The following IL6R variants were observed in gnomAD, a reference collection of about 807,000 sequenced individuals.
IL6R encodes interleukin 6 receptor.
A neutral mutation model predicts 48.3 loss-of-function variants in IL6R; 38 were observed. The ratio of observed to expected loss-of-function variants is 0.79; its 90% CI spans 0.61 to 1.03. The LOEUF is 1.03. Among genes scored for constraint, IL6R ranks in the 50% least tolerant of loss-of-function variants. The pLI is 0.00. For synonymous variants in IL6R, 264 were observed against 256.2 expected (o/e 1.03, Z -0.29); for missense variants, 534 against 618.3 (o/e 0.86, Z 1.45).
chr1:154,457,972 T>C (rs4845627), intron 9 of IL6R, among the ~76,000 whole-genome samples: 11 of 44,894 alleles, frequency 2.5e-4, no homozygotes, highest in Admixed American at 6.8e-4. Flanking sequence ...TTTTTCTTTT[T>C]TTTTTTTTTT....
chr1:154,467,556 T>G lies in IL6R; in HGVS notation c.*2176T>G, dbSNP rs1691613064. 1 of 152,240 alleles carries G rather than the reference T, an allele frequency of 6.6e-6. No homozygotes were observed. The highest frequency in any genetic ancestry group is 6.5e-5 in the Admixed American group (1 of 15,288). 9.4% of individuals were successfully genotyped at this position (152,240 alleles called of 1,614,324 possible). On this transcript the variant is annotated 3_prime_UTR_variant, in exon 10 of 10. Coordinates refer to ENST00000368485, the MANE Select transcript of IL6R (RefSeq NM_000565.4). ...CGTGATTTTCATTGCTGGGCTTGTC[T>G]GTAGATTTTAGACCCTATTGCTGCT...
chr1:154,416,015 G>A (rs1300109618), intron 1 of IL6R, among the ~76,000 whole-genome samples: 1 of 152,166 alleles, frequency 6.6e-6, no homozygotes, highest in Non-Finnish European at 1.5e-5. Flanking sequence ...GATCAGTAGT[G>A]CAGACTAAAC....
chr1:154,435,473 C>A (rs1244421358), intron 5 of IL6R, among the ~76,000 whole-genome samples: 1 of 149,668 alleles, frequency 6.7e-6, no homozygotes, highest in Non-Finnish European at 1.5e-5. Context: ...CACACCACTG[C>A]ACTCCAGCCT....
At chr1:154,428,735 C>T (rs556785608) in intron 1 of IL6R, among the ~76,000 whole-genome samples, 3 of 152,110 alleles carry the variant, frequency 2.0e-5, no homozygotes, top group South Asian at 2.1e-4. Flanking sequence ...GCTGGGGGAC[C>T]GGAAACGATG....
chr1:154,435,217 A>G (rs1689545232), intron 5 of IL6R, 61 bp downstream of exon 5: 2 of 1,507,386 alleles, frequency 1.3e-6, no homozygotes, highest in African/African-American at 1.4e-5. Context: ...CGTAGTAGAA[A>G]GGGTACTAGA....
Position 154,436,058 on chromosome 1 carries a change from G to A in IL6R, c.897G>A (p.Gly299=). 1 of 1,613,268 alleles carries A rather than the reference G, an allele frequency of 6.2e-7. No individual in the cohort carries two copies. The highest frequency in any genetic ancestry group is 8.5e-7 in the Non-Finnish European group (1 of 1,179,564). Residue 299 remains glycine (G), a synonymous_variant, in exon 6 of 10, where the codon GGG becomes GGA. Transcript: ENST00000368485. ...VVQLRAQEEF[G]QGEWSEWSPE... The stretch of plus-strand genomic sequence containing the variant: ...AGCTTCGTGCCCAGGAGGAGTTCGG[G>A]CAAGGCGAGTGGAGCGAGTGGAGCC...
In IL6R at chr1:154,430,390, G is replaced by T. The variant is rs964667076; in HGVS notation, c.335-93G>T. The T allele has an allele frequency of 3.0e-5, 45 of 1,501,248 alleles. No individual in the cohort carries two copies. The South Asian group carries it at 5.7e-4, about 19-fold the overall frequency. The allele number at this position is 1,501,248 out of a possible 1,614,324, so 93.0% of individuals were successfully genotyped here. Reference sequence around the variant, plus strand: ...GGCTGGGGCCGAGGGGCCCAGCCACGTGCTCCCCTCAAGGGAGGCTGCCCT... The same window carrying T: ...GGCTGGGGCCGAGGGGCCCAGCCACTTGCTCCCCTCAAGGGAGGCTGCCCT... On this transcript the variant is annotated intron_variant, in intron 2 of 9. Coordinates refer to ENST00000368485, the MANE Select transcript of IL6R (RefSeq NM_000565.4).
chr1:154,464,478 T>G (rs1481918814), intron 9 of IL6R, among the ~76,000 whole-genome samples: 5 of 152,072 alleles, frequency 3.3e-5, no homozygotes, highest in African/African-American at 1.2e-4. Flanking sequence ...TTTAAGTAAA[T>G]GGATTTGGGA....
chr1:154,449,773 A>G, intron 7 of IL6R, 138 bp from the exon 8 acceptor site: 1 of 671,160 alleles, frequency 1.5e-6, no homozygotes, highest in East Asian at 2.7e-5. Context: ...TGATTTTTCC[A>G]CTGTTATGAA....
intron 6 of IL6R, among the ~76,000 whole-genome samples, chr1:154,446,973 A>G (rs1256262398): frequency 6.6e-6 from 1 of 152,130 alleles, no homozygotes; most frequent in Admixed American, 6.5e-5. Context: ...CATGTCTTCA[A>G]TGTTTTTCTA....
At chr1:154,435,935 T>C in intron 5 of IL6R, 34 bp from the exon 6 acceptor site, 1 of 1,565,894 alleles carries the variant, frequency 6.4e-7, no homozygotes, top group South Asian at 1.2e-5. Flanking sequence ...CCATCCTGGA[T>C]ACCTCCCCAG....
Position 154,449,944 on chromosome 1 carries a change from C to A in IL6R, c.1030C>A (p.Leu344Ile). Residue 344 changes from leucine (L) to isoleucine (I), a missense_variant, in exon 8 of 10, where the codon CTC becomes ATC. Physicochemically the swap from Leu to Ile is conservative, Grantham distance 5 (BLOSUM62 2). Transcript: ENST00000368485. ...TACTAATAAAGACGATGATAATATT[C>A]TCTTCAGAGATTCTGCAAATGCGAC... Reference protein sequence around the residue: ...LTTNKDDDNILFRDSANATSL... With the variant: ...LTTNKDDDNIIFRDSANATSL... 6.2e-7 allele frequency: 1 copy of A among 1,610,616 alleles called. No homozygotes were observed. Among genetic ancestry groups the A allele is most frequent in the Non-Finnish European group, 8.5e-7 (1 of 1,176,802 alleles).
At chr1:154,423,656 G>A (rs1018606895) in intron 1 of IL6R, among the ~76,000 whole-genome samples, 1 of 152,148 alleles carries the variant, frequency 6.6e-6, no homozygotes, top group Non-Finnish European at 1.5e-5. Flanking sequence ...GTTGTTCGCA[G>A]GTTCTAGAGG....
chr1:154,428,904 G>A (rs1310043157), intron 1 of IL6R, among the ~76,000 whole-genome samples: 1 of 152,178 alleles, frequency 6.6e-6, no homozygotes, highest in Non-Finnish European at 1.5e-5. Context: ...TGCAGGCCAC[G>A]CTGAGGAGCT....
rs911305291 is a variant in IL6R at position 154,434,535 on chromosome 1, G to A, written c.475G>A (p.Glu159Lys). Reference sequence around the variant, plus strand: ...GTCTAACAGTCAGAACAGTCCGGCCGAAGACTTCCAGGAGCCGTGCCAGTA... The same window carrying A: ...GTCTAACAGTCAGAACAGTCCGGCCAAAGACTTCCAGGAGCCGTGCCAGTA... The part of the protein sequence containing the change: ...LVRKFQNSPA[E>K]DFQEPCQYSQ... Residue 159 changes from glutamate to lysine, a missense_variant, in exon 4 of 10, where the codon GAA becomes AAA. Transcript: ENST00000368485. The A allele has an allele frequency of 5.0e-6, 8 of 1,613,490 alleles. No individual in the cohort carries two copies. The East Asian group carries it at 8.9e-5, about 18-fold the overall frequency.
chr1:154,430,219 C>A (rs777345886), intron 2 of IL6R, among the ~76,000 whole-genome samples: 10 of 152,208 alleles, frequency 6.6e-5, no homozygotes, highest in Non-Finnish European at 1.5e-4. Context: ...CTCTCCCCTT[C>A]AGACAAGTTG....
intron 2 of IL6R, 73 bp from the exon 3 acceptor site, chr1:154,430,406 AGGCT>A (rs1478808841): frequency 6.4e-7 from 1 of 1,570,628 alleles, no homozygotes; most frequent in East Asian, 2.3e-5. Context: ...CCCTCAAGGG[AGGCT>A]GCCCTGTCTG....
At chr1:154,461,516 A>C (rs915591836) in intron 9 of IL6R, among the ~76,000 whole-genome samples, 1 of 152,152 alleles carries the variant, frequency 6.6e-6, no homozygotes, top group African/African-American at 2.4e-5. Context: ...CACTTCTCCC[A>C]ATGTCCCTTC....
chr1:154,416,709 G>A (rs999837996), intron 1 of IL6R, among the ~76,000 whole-genome samples: 6 of 152,104 alleles, frequency 3.9e-5, no homozygotes, highest in African/African-American at 1.4e-4. Context: ...CGGAGGGGGT[G>A]GGGATGGCTC....
Sources: allele counts gnomAD v4.1 joint callset (sites outside exome capture counted in the v4.1 genomes callset), GRCh38; gene constraint gnomAD v4.1.1; transcripts MANE v1.5; gene names NCBI Gene and HGNC (gene_info 2026-07-23, HGNC 2026-07-21).